Variants in C12orf76 observed in about 807,000 individuals in gnomAD.
The protein encoded by C12orf76 is uncharacterized protein C12orf76.
Under a neutral mutation model 6.8 loss-of-function variants are expected in C12orf76, and 6 were observed. The ratio of observed to expected loss-of-function variants is 0.88; its 90% confidence interval spans 0.48 to 1.73. The LOEUF (loss-of-function observed/expected upper bound fraction) is 1.73. C12orf76 is among the 40% of genes most tolerant of loss of function. The pLI is 0.01. For missense variants in C12orf76, 99 were observed against 98.2 expected (o/e 1.01, Z -0.03); for synonymous variants, 56 against 43.7 (o/e 1.28, Z -1.11).
intron 2 of C12orf76, among the ~76,000 whole-genome samples, chr12:110,063,859 A>G (rs1892817499): frequency 6.6e-6 from 1 of 152,026 alleles, no homozygotes; most frequent in Non-Finnish European, 1.5e-5. Flanking sequence ...GTGAGCCAAG[A>G]TCACGCCACT....
upstream of C12orf76, chr12:110,048,627 G>A (rs1892516777): frequency 6.9e-6 from 9 of 1,297,088 alleles, no homozygotes; most frequent in East Asian, 2.8e-4. Flanking sequence ...GTGCGTCCTG[G>A]TCTAAGTTCC....
At chr12:110,060,792 T>C (rs1892758175) in intron 2 of C12orf76, among the ~76,000 whole-genome samples, 1 of 151,948 alleles carries the variant, frequency 6.6e-6, no homozygotes, top group Non-Finnish European at 1.5e-5. Context: ...TCCCAGCACT[T>C]TGGGAGGCTG....
chr12:110,057,944 A>C (rs1213483131), intron 3 of C12orf76, among the ~76,000 whole-genome samples: 2 of 151,604 alleles, frequency 1.3e-5, no homozygotes, highest in Non-Finnish European at 2.9e-5. Flanking sequence ...GGCGCCTATA[A>C]TCCCAGCTAC....
upstream of C12orf76, among the ~76,000 whole-genome samples, chr12:110,053,560 G>A (rs992280901): frequency 1.3e-5 from 2 of 152,130 alleles, no homozygotes; most frequent in Admixed American, 6.5e-5. Context: ...AGGACCACTG[G>A]GAGGCTCCTG....
chr12:110,063,924 G>GAACA (rs550645760), intron 2 of C12orf76, among the ~76,000 whole-genome samples: 9 of 151,886 alleles, frequency 5.9e-5, no homozygotes, highest in East Asian at 1.9e-4. Context: ...ACAAACAAAC[G>GAACA]AACAAACAAA....
At chr12:110,068,250 G>GAAGAA (rs1248158598), upstream of C12orf76, among the ~76,000 whole-genome samples, 3 of 26,534 alleles carry the variant, frequency 1.1e-4, no homozygotes, top group African/African-American at 1.8e-4. Flanking sequence ...GAAGAAGAAA[G>GAAGAA]AAGAAGAAGA....
chr12:110,070,918 A>T (rs1047265083), upstream of C12orf76, among the ~76,000 whole-genome samples: 1 of 152,068 alleles, frequency 6.6e-6, no homozygotes, highest in African/African-American at 2.4e-5. Flanking sequence ...GGAATTATAG[A>T]CACACACTAC....
chr12:110,050,830 A>G, upstream of C12orf76: 2 of 509,614 alleles, frequency 3.9e-6, no homozygotes, highest in Non-Finnish European at 6.6e-6. Context: ...GACTTGCCCT[A>G]ATTCTTTCTT....
chr12:110,048,502 C>T lies in C12orf76; in HGVS notation c.-7G>A. On this transcript the variant is annotated 5_prime_UTR_variant, in exon 1 of 2. Transcript: ENST00000615315. Reference sequence around the variant, plus strand: ...GTAACGCTGGACGCAGCATCTTCCCCAGCCCTGCAGAAGCAGAGAGGCCAC... The same window carrying T: ...GTAACGCTGGACGCAGCATCTTCCCTAGCCCTGCAGAAGCAGAGAGGCCAC... 1 of 1,421,198 alleles carries T rather than the reference C, an allele frequency of 7.0e-7. No individual in the cohort carries two copies. Among genetic ancestry groups the T allele is most frequent in the Non-Finnish European group, 9.2e-7 (1 of 1,088,312 alleles). The allele number at this position is 1,421,198 out of a possible 1,614,324, so 88.0% of individuals were successfully genotyped here.
chr12:110,064,654 C>T (rs963663434), intron 2 of C12orf76, among the ~76,000 whole-genome samples: 2 of 152,130 alleles, frequency 1.3e-5, no homozygotes, highest in Non-Finnish European at 2.9e-5. Context: ...TTTCTCAGTG[C>T]CCCCCAGATG....
rs1037844910 is a variant in C12orf76 at position 110,054,346 on chromosome 12, G to A, written n.664+2843C>T. On this transcript the variant is annotated intron_variant and non_coding_transcript_variant, in intron 4 of 4. Coordinates refer to the C12orf76 transcript ENST00000309050. The surrounding 1 kb of genome is among the most constrained non-coding windows in gnomAD (Gnocchi z 4.4). ...GCAAAATGTGGTCTATCCATTCAAT[G>A]AGATATTATTCAGCCATAAAAAAGG... 6.6e-6 allele frequency among the ~76,000 whole-genome samples: 1 copy of A among 152,176 alleles called. No homozygotes were observed. Among genetic ancestry groups the A allele is most frequent in the African/African-American group, 2.4e-5 (1 of 41,452 alleles).
At chr12:110,053,069 C>T (rs542495288), upstream of C12orf76, among the ~76,000 whole-genome samples, 3 of 151,298 alleles carry the variant, frequency 2.0e-5, no homozygotes, top group South Asian at 6.3e-4. Context: ...GGCGTGGTGA[C>T]ACATGCCACC....
rs544439996 is a variant in C12orf76, at chr12:110,063,143, T to A, written n.380+2717A>T. On this transcript the variant is annotated intron_variant and non_coding_transcript_variant, in intron 2 of 4. Transcript: ENST00000309050. ...TTAGTAGACACAGGGTTTCACCATGTTGGCCAGGCTGGTCTTGAACTCCTG... is the reference window on the plus strand; with the variant it reads ...TTAGTAGACACAGGGTTTCACCATGATGGCCAGGCTGGTCTTGAACTCCTG... Among the ~76,000 whole-genome samples, 4 of 151,868 alleles carry A rather than the reference T, an allele frequency of 2.6e-5. No individual in the cohort carries two copies. The East Asian group carries it at 7.8e-4, about 30-fold the overall frequency.
intron 3 of C12orf76, among the ~76,000 whole-genome samples, chr12:110,057,978 C>A (rs1357696983): frequency 1.4e-5 from 2 of 140,986 alleles, no homozygotes; most frequent in Non-Finnish European, 3.0e-5. Context: ...GTGGGAGAAT[C>A]ATTTGAACCC....
chr12:110,052,997 T>G (rs1322330824), upstream of C12orf76, among the ~76,000 whole-genome samples: 2 of 144,310 alleles, frequency 1.4e-5, no homozygotes, highest in Non-Finnish European at 3.0e-5. Context: ...GGTCAGGAGA[T>G]CAAGACCATC....
At chr12:110,062,982 C>G (rs1323679592) in intron 2 of C12orf76, among the ~76,000 whole-genome samples, 1 of 150,916 alleles carries the variant, frequency 6.6e-6, no homozygotes, top group Non-Finnish European at 1.5e-5. Context: ...GCTTGGCTGC[C>G]CAGGCTGGAG....
intron 1 of C12orf76, among the ~76,000 whole-genome samples, chr12:110,043,896 G>A (rs1469296234): frequency 6.6e-6 from 1 of 150,868 alleles, no homozygotes; most frequent in Non-Finnish European, 1.5e-5. Context: ...ACGTTTTTAA[G>A]ACTAAATTTC....
upstream of C12orf76, chr12:110,051,334 G>T (rs560261158): frequency 7.2e-5 from 50 of 691,604 alleles, no homozygotes; most frequent in South Asian, 7.5e-4. Flanking sequence ...CCTGCCTCAT[G>T]AATTGTGAGG....
chr12:110,048,744 C>T (rs772157257), upstream of C12orf76: 27 of 1,029,708 alleles, frequency 2.6e-5, no homozygotes, highest in Admixed American at 4.6e-5. Flanking sequence ...ACGTTCGCCG[C>T]GATTACCGTT....
Sources: gnomAD v4.1 joint callset for allele counts (sites outside exome capture counted in the v4.1 genomes callset) on GRCh38, gnomAD v4.1.1 for gene constraint, Gnocchi (gnomAD v3.1) non-coding constraint, MANE v1.5 for transcripts, NCBI Gene and HGNC (gene_info 2026-07-23, HGNC 2026-07-21) for gene names.